The following SPSB1 variants were observed in gnomAD, a reference collection of about 807,000 sequenced individuals.
SPSB1 encodes splA/ryanodine receptor domain and SOCS box containing 1.
In SPSB1, 8 loss-of-function variants were observed where a neutral mutation model predicts 21.2. That is an observed-to-expected ratio of 0.38 (90% CI 0.22 to 0.68). SPSB1 has a LOEUF of 0.68. SPSB1 is among the 30% of genes least tolerant of loss of function. The probability of loss-of-function intolerance (pLI) is 0.53; values close to 1 mark genes in which losing one functional copy is unlikely to be tolerated. For synonymous variants in SPSB1, 169 were observed against 161.7 expected (o/e 1.05, Z -0.34); for missense variants, 242 against 377.8 (o/e 0.64, Z 2.98).
At chr1:9,355,074 GC>G (rs552122461) in intron 1 of SPSB1, among the ~76,000 whole-genome samples, 9 of 152,220 alleles carry the variant, frequency 5.9e-5, no homozygotes, top group Non-Finnish European at 1.0e-4. Flanking sequence ...CGGGGGATGA[GC>G]CCCCCTTGCT....
chr1:9,323,478 A>T (rs1423364261), intron 1 of SPSB1, among the ~76,000 whole-genome samples: 1 of 152,106 alleles, frequency 6.6e-6, no homozygotes, highest in Non-Finnish European at 1.5e-5. Flanking sequence ...ACCAAGGCTG[A>T]CCTTGAAGGT....
chr1:9,354,226 C>T (rs1254526725), intron 1 of SPSB1, among the ~76,000 whole-genome samples: 2 of 152,192 alleles, frequency 1.3e-5, no homozygotes, highest in Non-Finnish European at 2.9e-5. Context: ...GCCTCCCCTA[C>T]CCCGGGTTCC....
chr1:9,305,582 G>C lies in SPSB1; in HGVS notation c.-150+12511G>C, dbSNP rs550545477. On this transcript the variant is annotated intron_variant, in intron 1 of 2. Transcript: ENST00000328089. This position sits in a 1 kb window ranked among gnomAD's most constrained non-coding sequence, Gnocchi z 4.8. ...GGAGAGCTCGATGTGGGCCCAGGGTGTGGGTGCTGGGGGTGGGGACTCCCC... is the reference window on the plus strand; with the variant it reads ...GGAGAGCTCGATGTGGGCCCAGGGTCTGGGTGCTGGGGGTGGGGACTCCCC... 1.3e-5 allele frequency among the ~76,000 whole-genome samples: 2 copies of C among 152,328 alleles called. No homozygotes were observed. The highest frequency in any genetic ancestry group is 3.9e-4 in the East Asian group (2 of 5,180).
At position 9,301,648 on chromosome 1, in the gene SPSB1, C is replaced by T. The variant is rs567525419; in HGVS notation, c.-150+8577C>T. On this transcript the variant is annotated intron_variant, in intron 1 of 2. Coordinates refer to ENST00000328089, the MANE Select transcript of SPSB1 (RefSeq NM_025106.4). ...TCTCGTCAGCCTCTTTCCCTGGCCA[C>T]CCCTGTCATCGCCTGGTGGGCTCAG... Among the ~76,000 whole-genome samples the T allele has an allele frequency of 1.1e-4, 17 of 152,342 alleles. No individual in the cohort carries two copies. The East Asian group carries it at 3.3e-3, about 29-fold the overall frequency.
Position 9,324,521 on chromosome 1 carries a change from CG to C in SPSB1, c.-149-31220del, listed in dbSNP as rs1639780735. Among the ~76,000 whole-genome samples the C allele has an allele frequency of 6.6e-6, 1 of 152,012 alleles. No homozygotes were observed. The highest frequency in any genetic ancestry group is 2.4e-5 in the African/African-American group (1 of 41,380). On this transcript the variant is annotated intron_variant, in intron 1 of 2. Coordinates refer to ENST00000328089, the MANE Select transcript of SPSB1 (RefSeq NM_025106.4). This position sits in a 1 kb window ranked among gnomAD's most constrained non-coding sequence, Gnocchi z 4.3. ...CTCGGAGGGCTGTGGGCCCGGGACT[CG>C]GTGTGTCCGATGAGGAAACCAGCTT...
chr1:9,298,233 C>G (rs1186545295), intron 1 of SPSB1, among the ~76,000 whole-genome samples: 1 of 152,122 alleles, frequency 6.6e-6, no homozygotes, highest in Non-Finnish European at 1.5e-5. Context: ...TTTAAGTTTT[C>G]TGTATAAGCA....
intron 1 of SPSB1, among the ~76,000 whole-genome samples, chr1:9,323,110 G>T (rs973192670): frequency 6.6e-6 from 1 of 152,234 alleles, no homozygotes; most frequent in Non-Finnish European, 1.5e-5. Context: ...CGAGGACTTT[G>T]CGGCCTCTGC....
rs1639153527 is a variant in SPSB1 at position 9,293,428 on chromosome 1, C to T, written c.-150+357C>T. Among the ~76,000 whole-genome samples the T allele has an allele frequency of 1.3e-5, 2 of 151,452 alleles. No homozygotes were observed. Among genetic ancestry groups the T allele is most frequent in the South Asian group, 4.1e-4 (2 of 4,826 alleles). On this transcript the variant is annotated intron_variant, in intron 1 of 2. Transcript: ENST00000328089. The surrounding 1 kb of genome is among the most constrained non-coding windows in gnomAD (Gnocchi z 5.1). ...GTCCCGAGGAGGGGCTGGGGCGCTC[C>T]GGGGCCGCCGACCCGTCCCCCCTTT...
At position 9,355,830 on chromosome 1, in the gene SPSB1, G is replaced by A. The variant is rs566137683; in HGVS notation, c.-62G>A. ...TGGCCCCGATCAGAATACTGGAGACGAGACCACGAGATTGATGAGTTTGCC... is the reference window on the plus strand; with the variant it reads ...TGGCCCCGATCAGAATACTGGAGACAAGACCACGAGATTGATGAGTTTGCC... On this transcript the variant is annotated 5_prime_UTR_variant, in exon 2 of 3. Coordinates refer to ENST00000328089, the MANE Select transcript of SPSB1 (RefSeq NM_025106.4). The A allele has an allele frequency of 1.7e-5, 26 of 1,514,006 alleles. No homozygotes were observed. The East Asian group carries it at 5.2e-4, about 30-fold the overall frequency. 93.8% of individuals were successfully genotyped at this position (1,514,006 alleles called of 1,614,324 possible).
At chr1:9,326,182 G>C (rs114376140) in intron 1 of SPSB1, among the ~76,000 whole-genome samples, 3,151 of 152,082 alleles carry the variant, frequency 0.021, 41 homozygotes, top group Non-Finnish European at 0.031. Context: ...CATTGGTTGA[G>C]GTTTTGGTGC....
chr1:9,299,917 T>C (rs1639299449), intron 1 of SPSB1, among the ~76,000 whole-genome samples: 1 of 150,286 alleles, frequency 6.7e-6, no homozygotes, highest in South Asian at 2.1e-4. Flanking sequence ...TGAGCAGTGA[T>C]TGTGTTACTT....
chr1:9,359,705 G>GGA lies in SPSB1; in HGVS notation c.694+3120_694+3121insGA, dbSNP rs71580083. Reference sequence around the variant, plus strand: ...CAACAGAGCAAGACTCCGTCTCTGGGAAAAAAAAAAAAAAAAGTATCATTC... The same window carrying GGA: ...CAACAGAGCAAGACTCCGTCTCTGGGGAAAAAAAAAAAAAAAAAGTATCATTC... On this transcript the variant is annotated intron_variant, in intron 2 of 2. Transcript: ENST00000328089. Among the ~76,000 whole-genome samples, 61 of 131,188 alleles carry GGA rather than the reference G, an allele frequency of 4.6e-4. No individual in the cohort carries two copies. The South Asian group carries it at 6.3e-3, about 13-fold the overall frequency. The allele number at this position is 131,188 out of a possible 152,430, so 86.1% of individuals were successfully genotyped here.
chr1:9,328,635 C>T (rs1557454456), intron 1 of SPSB1, among the ~76,000 whole-genome samples: 1 of 152,246 alleles, frequency 6.6e-6, no homozygotes, highest in Non-Finnish European at 1.5e-5. Context: ...ACGCCCCACC[C>T]ACTGCCTCCC....
chr1:9,304,696 A>G (rs1424497031), intron 1 of SPSB1, among the ~76,000 whole-genome samples: 1 of 152,094 alleles, frequency 6.6e-6, no homozygotes, highest in Non-Finnish European at 1.5e-5. Context: ...GACTAGGTCC[A>G]TGGAGGTGCT....
chr1:9,317,322 A>G lies in SPSB1; in HGVS notation c.-150+24251A>G, dbSNP rs1399979353. On this transcript the variant is annotated intron_variant, in intron 1 of 2. Coordinates refer to ENST00000328089, the MANE Select transcript of SPSB1 (RefSeq NM_025106.4). This position sits in a 1 kb window ranked among gnomAD's most constrained non-coding sequence, Gnocchi z 4.3. ...CTGGCGGAAGGTGGCATGTGTGTGC[A>G]AAACCACTGGGAGCTTTGATGATAC... Among the ~76,000 whole-genome samples, 1 of 152,192 alleles carries G rather than the reference A, an allele frequency of 6.6e-6. No individual in the cohort carries two copies. Among genetic ancestry groups the G allele is most frequent in the Non-Finnish European group, 1.5e-5 (1 of 68,024 alleles).
Position 9,305,841 on chromosome 1 carries a change from C to T in SPSB1, c.-150+12770C>T, listed in dbSNP as rs1014942587. Among the ~76,000 whole-genome samples, 6 of 152,120 alleles carry T rather than the reference C, an allele frequency of 3.9e-5. No homozygotes were observed. Among genetic ancestry groups the T allele is most frequent in the African/African-American group, 9.7e-5 (4 of 41,424 alleles). ...CTCTGTCTAGTGGGTGAGACAGGCC[C>T]GTCTCTGCTGATGATAGCGCTCAGG... On this transcript the variant is annotated intron_variant, in intron 1 of 2. Coordinates refer to ENST00000328089, the MANE Select transcript of SPSB1 (RefSeq NM_025106.4). The surrounding 1 kb of genome is among the most constrained non-coding windows in gnomAD (Gnocchi z 4.8).
intron 1 of SPSB1, among the ~76,000 whole-genome samples, chr1:9,343,300 T>C (rs2100503396): frequency 6.6e-6 from 1 of 152,362 alleles, no homozygotes; most frequent in Non-Finnish European, 1.5e-5. Context: ...GCCAGTCTGC[T>C]TTCTGTTTCT....
chr1:9,366,330 C>T (rs1640571071), intron 2 of SPSB1, among the ~76,000 whole-genome samples: 1 of 152,244 alleles, frequency 6.6e-6, no homozygotes, highest in Non-Finnish European at 1.5e-5. Context: ...CCCTCAGCCT[C>T]ACTGTCAGAC....
At chr1:9,298,701 G>GT (rs2100458346) in intron 1 of SPSB1, among the ~76,000 whole-genome samples, 1 of 152,280 alleles carries the variant, frequency 6.6e-6, no homozygotes, top group East Asian at 1.9e-4. Context: ...GTCAGAGAAG[G>GT]GGCTTATGGA....
Sources: gnomAD v4.1 joint callset for allele counts (sites outside exome capture counted in the v4.1 genomes callset) on GRCh38, gnomAD v4.1.1 for gene constraint, Gnocchi (gnomAD v3.1) non-coding constraint, MANE v1.5 for transcripts, NCBI Gene and HGNC (gene_info 2026-07-23, HGNC 2026-07-21) for gene names.